The following LARP1B variants were observed in gnomAD, a reference collection of about 807,000 sequenced individuals.
LARP1B encodes the protein La ribonucleoprotein 1B.
LARP1B carries 76 observed loss-of-function variants against 114.2 expected under a neutral mutation model. The ratio of observed to expected loss-of-function variants is 0.67; its 90% CI spans 0.55 to 0.81. The LOEUF is 0.81. LARP1B is among the 30% of genes least tolerant of loss of function. The probability of loss-of-function intolerance (pLI) is 0.00; values close to 1 mark genes in which losing one functional copy is unlikely to be tolerated. For missense variants in LARP1B, 1,014 were observed against 1,075.8 expected, an observed-to-expected ratio of 0.94 and a Z score of 0.80; for synonymous variants, 345 against 348.0, an observed-to-expected ratio of 0.99 and a Z score of 0.10.
At chr4:128,181,784 A>G (rs1581368932) in intron 15 of LARP1B, among the ~76,000 whole-genome samples, 1 of 127,894 alleles carries the variant, frequency 7.8e-6, no homozygotes, top group African/African-American at 2.9e-5. Flanking sequence ...TTCAAACTTT[A>G]TTATTATTAT....
In LARP1B at chr4:128,122,189, G is replaced by A; in HGVS notation, c.1524+1G>A. ...TGAAAACAAACACACAGCCATAAAG[G>A]TAATTGTTTCTGGCCAACATCTTTC... is the stretch of plus-strand genomic sequence containing the variant. On this transcript the variant is annotated splice_donor_variant, in intron 11 of 19. Transcript: ENST00000326639. LOFTEE classifies it high-confidence loss of function. 1 of 1,611,580 alleles carries A rather than the reference G, an allele frequency of 6.2e-7. No homozygotes were observed.
intron 15 of LARP1B, among the ~76,000 whole-genome samples, chr4:128,181,412 A>G (rs2150691560): frequency 6.6e-6 from 1 of 152,216 alleles, no homozygotes; most frequent in South Asian, 2.1e-4. Flanking sequence ...TGCTGACCTC[A>G]GGTGATCCAC....
chr4:128,206,444 C>A lies in LARP1B; in HGVS notation c.2326C>A (p.Leu776Met). The A allele has an allele frequency of 6.2e-7, 1 of 1,604,166 alleles. No individual in the cohort carries two copies. The highest frequency in any genetic ancestry group is 1.1e-5 in the South Asian group (1 of 88,446). ...KENYRYGLEC[L>M]FRFYSYGLEK... ...TCTTTATAGGTATGGGTTAGAATGT[C>A]TGTTCAGGTTTTATAGTTATGGACT... Residue 776 changes from leucine to methionine, a missense_variant, in exon 18 of 20, where the codon CTG becomes ATG. By Grantham distance (15) the Leu-to-Met change is conservative. Transcript: ENST00000326639.
At chr4:128,066,669 G>A (rs1382374443) in intron 1 of LARP1B, among the ~76,000 whole-genome samples, 3 of 151,810 alleles carry the variant, frequency 2.0e-5, no homozygotes, top group African/African-American at 7.3e-5. Context: ...GTACAGGCAG[G>A]GTTTCTCTAT....
chr4:128,074,253 T>A (rs1056689900), intron 1 of LARP1B, among the ~76,000 whole-genome samples: 14 of 152,322 alleles, frequency 9.2e-5, no homozygotes, highest in African/African-American at 3.4e-4. Context: ...CTGTTAATAT[T>A]TCTTACTTCT....
intron 11 of LARP1B, chr4:128,155,472 G>T (rs1361854013): frequency 1.3e-6 from 1 of 772,818 alleles, no homozygotes; most frequent in African/African-American, 1.7e-5. Flanking sequence ...CGGCCGCAGT[G>T]CAGGCAGCCC....
intron 12 of LARP1B, among the ~76,000 whole-genome samples, chr4:128,162,554 C>A (rs949787546): frequency 2.6e-5 from 4 of 152,058 alleles, no homozygotes; most frequent in African/African-American, 4.8e-5. Context: ...CTTTATGTAT[C>A]TGATGTGATT....
chr4:128,182,526 A>G (rs768314851), intron 15 of LARP1B, among the ~76,000 whole-genome samples: 4 of 152,112 alleles, frequency 2.6e-5, no homozygotes, highest in Admixed American at 6.5e-5. Flanking sequence ...TAAATATTGT[A>G]TGTTTTCTGG....
chr4:128,171,060 A>G (rs1175401068), intron 12 of LARP1B, among the ~76,000 whole-genome samples: 1 of 151,264 alleles, frequency 6.6e-6, no homozygotes, highest in Non-Finnish European at 1.5e-5. Flanking sequence ...TGGAATCAGT[A>G]TTTTACCATT....
intron 9 of LARP1B, among the ~76,000 whole-genome samples, chr4:128,110,752 G>A (rs1264598405): frequency 1.3e-5 from 2 of 148,890 alleles, no homozygotes; most frequent in East Asian, 2.0e-4. Flanking sequence ...ACACCTTTAC[G>A]AGTCTTATTC....
intron 7 of LARP1B, among the ~76,000 whole-genome samples, chr4:128,091,944 TAAAAATTATTTTG>T (rs1426925215): frequency 6.6e-6 from 1 of 152,252 alleles, no homozygotes; most frequent in Non-Finnish European, 1.5e-5. Flanking sequence ...TGGAAAATGT[TAAAAATTATTTTG>T]ATTATATATT....
intron 15 of LARP1B, among the ~76,000 whole-genome samples, chr4:128,198,079 T>C (rs1222661504): frequency 6.6e-6 from 1 of 151,936 alleles, no homozygotes; most frequent in Non-Finnish European, 1.5e-5. Flanking sequence ...GAGACAGGGT[T>C]TCACCATGTT....
At chr4:128,156,245 A>G in intron 11 of LARP1B, 4 of 1,332,664 alleles carry the variant, frequency 3.0e-6, no homozygotes, top group South Asian at 1.3e-5. Context: ...ACCCTAAGCA[A>G]CGTCTGCTCC....
intron 1 of LARP1B, among the ~76,000 whole-genome samples, chr4:128,067,197 T>C (rs1763326072): frequency 6.6e-6 from 1 of 152,160 alleles, no homozygotes; most frequent in African/African-American, 2.4e-5. Context: ...TACCTCTAAA[T>C]CTATTAGTTA....
rs1359169680 is a variant in LARP1B at position 128,077,796 on chromosome 4, C to T, written c.51C>T (p.Ser17=). ...PSELVNTGFQ[S]VLSQGNKKPQ... is the part of the protein sequence containing the mutation. Reference sequence around the variant, plus strand: ...TGAAAACCTTTTTGCAGTTTCAGAGCGTCCTCAGCCAAGGAAATAAAAAGC... The same window carrying T: ...TGAAAACCTTTTTGCAGTTTCAGAGTGTCCTCAGCCAAGGAAATAAAAAGC... Residue 17 remains serine, a synonymous_variant, in exon 4 of 20, where the codon AGC becomes AGT. Transcript: ENST00000326639. 1.0e-5 allele frequency: 16 copies of T among 1,557,314 alleles called. No homozygotes were observed. Among genetic ancestry groups the T allele is most frequent in the African/African-American group, 6.9e-5 (5 of 72,172 alleles).
chr4:128,189,662 T>A (rs2150774428), intron 15 of LARP1B, among the ~76,000 whole-genome samples: 1 of 152,316 alleles, frequency 6.6e-6, no homozygotes, highest in South Asian at 2.1e-4. Flanking sequence ...ATGTTTTAAT[T>A]CATTGCTTTT....
chr4:128,104,759 C>G (rs1042031331), intron 8 of LARP1B, among the ~76,000 whole-genome samples: 3 of 152,116 alleles, frequency 2.0e-5, no homozygotes, highest in African/African-American at 7.2e-5. Context: ...GTTAATTTTT[C>G]TATGCTCCTA....
At chr4:128,104,137 A>C (rs550910095) in intron 8 of LARP1B, among the ~76,000 whole-genome samples, 38 of 151,574 alleles carry the variant, frequency 2.5e-4, no homozygotes, top group Non-Finnish European at 4.6e-4. Context: ...ATAAGATTAG[A>C]GATGATTTTT....
In LARP1B at chr4:128,077,778, CTTT is replaced by C; in HGVS notation, c.43-7_43-5del. On this transcript the variant is annotated splice_polypyrimidine_tract_variant and splice_region_variant and intron_variant, in intron 3 of 19. Transcript: ENST00000326639. ...ATGGAAATCATTTCATTCTGAAAAC[CTTT>C]TTGCAGTTTCAGAGCGTCCTCAGCC... The C allele has an allele frequency of 2.6e-6, 4 of 1,526,124 alleles. No individual in the cohort carries two copies. Among genetic ancestry groups the C allele is most frequent in the Non-Finnish European group, 3.5e-6 (4 of 1,141,046 alleles). The allele number at this position is 1,526,124 out of a possible 1,614,324, so 94.5% of individuals were successfully genotyped here. A position where few individuals can be genotyped will look rare whatever the true frequency, so the allele number is the denominator to read the frequency against.
Sources: gnomAD v4.1 joint callset for allele counts (sites outside exome capture counted in the v4.1 genomes callset) on GRCh38, gnomAD v4.1.1 for gene constraint, MANE v1.5 for transcripts, NCBI Gene and HGNC (gene_info 2026-07-23, HGNC 2026-07-21) for gene names.